The following NTN4 variants were observed in gnomAD, a reference collection of about 807,000 sequenced individuals.
The protein encoded by NTN4 is netrin 4, also known as netrin-4.
NTN4 carries 32 observed loss-of-function variants against 73.6 expected under a neutral mutation model. That is an observed-to-expected ratio of 0.44 (90% confidence interval 0.33 to 0.58). The LOEUF (loss-of-function observed/expected upper bound fraction) is 0.58, where lower values mean the gene tolerates loss of function less well. Ranked by LOEUF, NTN4 falls within the 20% of genes least tolerant of loss-of-function variation. NTN4 has a pLI of 0.04. For synonymous variants in NTN4, 258 were observed against 287.5 expected (o/e 0.90, Z 1.04); for missense variants, 654 against 798.3 (o/e 0.82, Z 2.18).
chr12:95,765,367 T>A (rs1012526010), intron 2 of NTN4, among the ~76,000 whole-genome samples: 31 of 152,214 alleles, frequency 2.0e-4, no homozygotes, highest in African/African-American at 6.5e-4. Context: ...ACTGCTTTAA[T>A]GAGAAGACAC....
chr12:95,773,177 T>C (rs1445654401), intron 2 of NTN4, among the ~76,000 whole-genome samples: 2 of 152,080 alleles, frequency 1.3e-5, no homozygotes, highest in Non-Finnish European at 2.9e-5. Context: ...CTAATTTTTG[T>C]ATTTGTAGTA....
rs191277391 is a variant in NTN4, at chr12:95,732,425, A to T, written c.864+5441T>A. ...TTTTTTTTTTTTTTTTTTTCCAGAC[A>T]AGAGTTTCGCTCTTGTTACCTAGGC... On this transcript the variant is annotated intron_variant, in intron 3 of 9. Coordinates refer to ENST00000343702, the MANE Select transcript of NTN4 (RefSeq NM_021229.4). 2.7e-4 allele frequency among the ~76,000 whole-genome samples: 35 copies of T among 129,026 alleles called. No individual in the cohort carries two copies. In the South Asian group the frequency reaches 7.7e-3, roughly 28 times the overall value. The allele number at this position is 129,026 out of a possible 152,430, so 84.6% of individuals were successfully genotyped here.
intron 2 of NTN4, among the ~76,000 whole-genome samples, chr12:95,759,495 T>TTTA (rs1555220803): frequency 2.7e-5 from 4 of 150,904 alleles, no homozygotes; most frequent in African/African-American, 9.8e-5. Flanking sequence ...ATTTTTGTTT[T>TTTA]TTTTTTTTTT....
At chr12:95,704,324 A>T (rs2078508227) in intron 5 of NTN4, among the ~76,000 whole-genome samples, 1 of 152,216 alleles carries the variant, frequency 6.6e-6, no homozygotes, top group African/African-American at 2.4e-5. Flanking sequence ...TTAAATTTTT[A>T]AAATATCAAC....
At position 95,790,145 on chromosome 12, in the gene NTN4, G is replaced by A. The variant is rs1412202496; in HGVS notation, c.55+110C>T. ...AACATGGCCACTCATTTCACCCTCG[G>A]GAGCAGCGCTCTGCGCTCGCAGCCC... On this transcript the variant is annotated intron_variant, in intron 1 of 9. Transcript: ENST00000343702. This position sits in a 1 kb window ranked among gnomAD's most constrained non-coding sequence, Gnocchi z 6.5. 2 of 940,300 alleles carry A rather than the reference G, an allele frequency of 2.1e-6. No homozygotes were observed. The highest frequency in any genetic ancestry group is 3.1e-6 in the Non-Finnish European group (2 of 643,772). The allele number at this position is 940,300 out of a possible 1,614,324, so 58.2% of individuals were successfully genotyped here. A position where few individuals can be genotyped will look rare whatever the true frequency, so the allele number is the denominator to read the frequency against.
chr12:95,710,425 A>G lies in NTN4; in HGVS notation c.1180+16T>C, dbSNP rs1021208212. Reference sequence around the variant, plus strand: ...GTACAAATCAGCCTATTTTCTGGAAACCACAGGTTACTTACGTTTGCAAGC... The same window carrying G: ...GTACAAATCAGCCTATTTTCTGGAAGCCACAGGTTACTTACGTTTGCAAGC... On this transcript the variant is annotated intron_variant, in intron 5 of 9. Coordinates refer to ENST00000343702, the MANE Select transcript of NTN4 (RefSeq NM_021229.4). 6.9e-6 allele frequency: 11 copies of G among 1,597,016 alleles called. No homozygotes were observed. The highest frequency in any genetic ancestry group is 1.3e-5 in the African/African-American group (1 of 74,522).
At chr12:95,714,441 T>A (rs1017174040) in intron 3 of NTN4, among the ~76,000 whole-genome samples, 1 of 151,636 alleles carries the variant, frequency 6.6e-6, no homozygotes, top group African/African-American at 2.4e-5. Flanking sequence ...TAACAAATTA[T>A]ATCAACTAGT....
intron 4 of NTN4, among the ~76,000 whole-genome samples, chr12:95,712,694 C>T (rs542752416): frequency 1.4e-4 from 21 of 152,004 alleles, no homozygotes; most frequent in Non-Finnish European, 2.8e-4. Context: ...CTTCACCTCC[C>T]GGTTTCAAGT....
chr12:95,667,710 T>A (rs899568081), intron 8 of NTN4, among the ~76,000 whole-genome samples: 2 of 151,554 alleles, frequency 1.3e-5, no homozygotes, highest in Non-Finnish European at 2.9e-5. Flanking sequence ...ATACAAAAAA[T>A]TTAGCTGGGT....
intron 2 of NTN4, among the ~76,000 whole-genome samples, chr12:95,779,954 G>T (rs2079120752): frequency 6.6e-6 from 1 of 152,114 alleles, no homozygotes; most frequent in South Asian, 2.1e-4. Flanking sequence ...AAACAGAGAT[G>T]TAGACCAATG....
chr12:95,685,869 T>G (rs1413003002), intron 5 of NTN4, among the ~76,000 whole-genome samples: 2 of 152,156 alleles, frequency 1.3e-5, no homozygotes, highest in African/African-American at 4.8e-5. Context: ...TTAAATTAAC[T>G]AATTAATCCA....
At chr12:95,702,858 G>GTTTTTTTTTTTTTTTT (rs35050257) in intron 5 of NTN4, among the ~76,000 whole-genome samples, 1 of 123,706 alleles carries the variant, frequency 8.1e-6, no homozygotes, top group Non-Finnish European at 1.7e-5. Flanking sequence ...TTTTTTTTTG[G>GTTTTTTTTTTTTTTTT]TTTTTTTTTT....
At chr12:95,755,783 G>GAA (rs2078943733) in intron 2 of NTN4, among the ~76,000 whole-genome samples, 2 of 152,206 alleles carry the variant, frequency 1.3e-5, no homozygotes, top group Non-Finnish European at 2.9e-5. Flanking sequence ...GTTTTAAAGT[G>GAA]ATGCAAAGGC....
At chr12:95,748,180 G>C (rs532985614) in intron 2 of NTN4, among the ~76,000 whole-genome samples, 69 of 137,830 alleles carry the variant, frequency 5.0e-4, no homozygotes, top group Middle Eastern at 5.6e-3. Context: ...GCAGTGAGCC[G>C]AGATCATGCC....
chr12:95,726,969 C>CA (rs35245187), intron 3 of NTN4, among the ~76,000 whole-genome samples: 24,375 of 149,062 alleles, frequency 0.16, 2,226 homozygotes, highest in South Asian at 0.22. Context: ...GACTCTGTCT[C>CA]AAAAAAAAAA....
chr12:95,770,992 G>GTTTTGTTTTTCTTTTTTTTTTTTTT (rs1555221586), intron 2 of NTN4, among the ~76,000 whole-genome samples: 1 of 70,798 alleles, frequency 1.4e-5, no homozygotes, highest in Non-Finnish European at 3.4e-5. Flanking sequence ...AAAAGAATTT[G>GTTTTGTTTTTCTTTTTTTTTTTTTT]TTTTTTTTTT....
chr12:95,673,527 C>T (rs1186366088), intron 7 of NTN4: 1 of 160,454 alleles, frequency 6.2e-6, no homozygotes, highest in African/African-American at 2.4e-5. Context: ...ATGTAACTCG[C>T]ATGGTGATGT....
intron 8 of NTN4, among the ~76,000 whole-genome samples, chr12:95,668,756 G>A (rs541055286): frequency 3.3e-5 from 5 of 152,292 alleles, no homozygotes; most frequent in Admixed American, 2.6e-4. Context: ...TTGGGAGGCC[G>A]AGGCAGGCAG....
chr12:95,731,929 A>T (rs2078740152), intron 3 of NTN4, among the ~76,000 whole-genome samples: 1 of 152,186 alleles, frequency 6.6e-6, no homozygotes, highest in Non-Finnish European at 1.5e-5. Flanking sequence ...TGTTATGGAG[A>T]TTAAATTCAA....
Sources: gnomAD v4.1 joint callset for allele counts (sites outside exome capture counted in the v4.1 genomes callset) on GRCh38, gnomAD v4.1.1 for gene constraint, Gnocchi (gnomAD v3.1) non-coding constraint, MANE v1.5 for transcripts, NCBI Gene and HGNC (gene_info 2026-07-23, HGNC 2026-07-21) for gene names.